PRKCH: variants seen among roughly 807,000 people sequenced by gnomAD.
PRKCH encodes the protein protein kinase C eta type.
In PRKCH, 28 loss-of-function variants were observed where a neutral mutation model predicts 82.5. The ratio of observed to expected loss-of-function variants is 0.34; its 90% CI spans 0.25 to 0.47. The LOEUF (loss-of-function observed/expected upper bound fraction) is 0.47, where lower values mean the gene tolerates loss of function less well. Among genes scored for constraint, PRKCH ranks in the 20% least tolerant of loss-of-function variants. PRKCH has a pLI of 1.00. For synonymous variants in PRKCH, 322 were observed against 327.4 expected, an observed-to-expected ratio of 0.98 and a Z score of 0.18; for missense variants, 705 against 881.8, an observed-to-expected ratio of 0.80 and a Z score of 2.54.
chr14:61,289,733 C>A (rs931410860), intron 1 of PRKCH, among the ~76,000 whole-genome samples: 2 of 152,060 alleles, frequency 1.3e-5, no homozygotes, highest in Non-Finnish European at 2.9e-5. Flanking sequence ...TTGAGGGTGA[C>A]TTTACACAAT....
intron 1 of PRKCH, chr14:61,279,540 G>A (rs1443199632): frequency 6.5e-6 from 1 of 152,682 alleles, no homozygotes; most frequent in Non-Finnish European, 1.5e-5. Context: ...ATCTCTGTTT[G>A]GTGTCTCCTA....
At chr14:61,471,486 G>A (rs17098438) in intron 9 of PRKCH, among the ~76,000 whole-genome samples, 4,665 of 151,868 alleles carry the variant, frequency 0.031, 246 homozygotes, top group African/African-American at 0.11. Flanking sequence ...AGCCATCATC[G>A]CCACTCAGAG....
intron 9 of PRKCH, among the ~76,000 whole-genome samples, chr14:61,465,008 G>A (rs552155515): frequency 6.6e-6 from 1 of 152,184 alleles, no homozygotes; most frequent in Non-Finnish European, 1.5e-5. Flanking sequence ...CCCACCACCT[G>A]TTGGCCATTT....
At chr14:61,402,856 A>T (rs181552062) in intron 2 of PRKCH, among the ~76,000 whole-genome samples, 1,574 of 150,854 alleles carry the variant, frequency 0.01, 34 homozygotes, top group African/African-American at 0.035. Flanking sequence ...TTAATTAATT[A>T]ATTAATTTAT....
chr14:61,210,784 CTCTCTCTG>C (rs1310711763), intron 1 of PRKCH, among the ~76,000 whole-genome samples: 131 of 96,008 alleles, frequency 1.4e-3, no homozygotes, highest in African/African-American at 3.9e-3. Flanking sequence ...CTCTCTCTCT[CTCTCTCTG>C]TGTGTGTGTG....
chr14:61,446,750 T>C (rs1428594512), intron 4 of PRKCH, among the ~76,000 whole-genome samples: 2 of 152,224 alleles, frequency 1.3e-5, no homozygotes, highest in Non-Finnish European at 2.9e-5. Flanking sequence ...TGTCACTTTG[T>C]GGCATGGGCC....
At chr14:61,519,231 A>G (rs933332572) in intron 10 of PRKCH, among the ~76,000 whole-genome samples, 10 of 152,110 alleles carry the variant, frequency 6.6e-5, no homozygotes, top group Non-Finnish European at 1.5e-4. Context: ...GCAGTGAGCT[A>G]TGATCACGCT....
chr14:61,485,891 A>G (rs889787362), intron 10 of PRKCH, among the ~76,000 whole-genome samples: 19 of 152,312 alleles, frequency 1.2e-4, no homozygotes, highest in African/African-American at 4.3e-4. Flanking sequence ...CCAAGTAGAT[A>G]GCTGGGACTA....
At chr14:61,387,277 C>G (rs554085927) in intron 1 of PRKCH, among the ~76,000 whole-genome samples, 2 of 152,370 alleles carry the variant, frequency 1.3e-5, no homozygotes, top group South Asian at 4.1e-4. Flanking sequence ...CCCAGGCCAG[C>G]TGTGCAGAGT....
chr14:61,231,761 C>G (rs1443484378), intron 1 of PRKCH, among the ~76,000 whole-genome samples: 1 of 152,016 alleles, frequency 6.6e-6, no homozygotes, highest in Admixed American at 6.5e-5. Context: ...ATGTAGAGAT[C>G]TTCTCTCCCC....
At chr14:61,443,499 C>A (rs1884073250) in intron 3 of PRKCH, among the ~76,000 whole-genome samples, 1 of 152,112 alleles carries the variant, frequency 6.6e-6, no homozygotes, top group Non-Finnish European at 1.5e-5. Context: ...GGTAAAGATG[C>A]TAATGAATCC....
intron 1 of PRKCH, chr14:61,327,011 A>T (rs1019611219): frequency 1.3e-5 from 6 of 455,670 alleles, no homozygotes; most frequent in Non-Finnish European, 2.6e-5. Context: ...TGCTGGGGAC[A>T]TGGGGAGGCA....
At chr14:61,236,710 CAAAAAAAAA>C (rs35185475) in intron 1 of PRKCH, among the ~76,000 whole-genome samples, 7 of 87,712 alleles carry the variant, frequency 8.0e-5, no homozygotes, top group Admixed American at 6.0e-4. Context: ...TGTCTCAAAA[CAAAAAAAAA>C]AAAAAAAAAA....
chr14:61,339,399 C>T (rs1255326902), intron 1 of PRKCH, among the ~76,000 whole-genome samples: 1 of 151,080 alleles, frequency 6.6e-6, no homozygotes, highest in Non-Finnish European at 1.5e-5. Flanking sequence ...TCTCAGCTCA[C>T]TGCAAGCTTT....
At chr14:61,407,820 A>G (rs1047756812) in intron 2 of PRKCH, among the ~76,000 whole-genome samples, 3 of 152,122 alleles carry the variant, frequency 2.0e-5, no homozygotes, top group Admixed American at 6.5e-5. Flanking sequence ...GTCTTTCTCT[A>G]GCCAGGGATT....
At chr14:61,485,029 T>C (rs1260174395) in intron 9 of PRKCH, among the ~76,000 whole-genome samples, 1 of 151,948 alleles carries the variant, frequency 6.6e-6, no homozygotes, top group East Asian at 1.9e-4. Flanking sequence ...CGGCCTCCAC[T>C]TCTGTTTGGC....
intron 1 of PRKCH, among the ~76,000 whole-genome samples, chr14:61,359,417 C>T (rs988634542): frequency 6.6e-6 from 1 of 152,214 alleles, no homozygotes; most frequent in African/African-American, 2.4e-5. Flanking sequence ...TTGCAGGCCT[C>T]ATTTTTAAGT....
At chr14:61,250,082 A>AG (rs1270595690) in intron 1 of PRKCH, among the ~76,000 whole-genome samples, 4 of 336 alleles carry the variant, frequency 0.012, no homozygotes, top group African/African-American at 0.023. Flanking sequence ...CAACATGGTG[A>AG]AACCCCATCT....
At chr14:61,336,773 A>C (rs2045862398) in intron 1 of PRKCH, among the ~76,000 whole-genome samples, 1 of 152,158 alleles carries the variant, frequency 6.6e-6, no homozygotes, top group Non-Finnish European at 1.5e-5. Flanking sequence ...CTAGTTTTAA[A>C]AGTACGTCAT....
Sources: gnomAD v4.1 joint callset for allele counts (sites outside exome capture counted in the v4.1 genomes callset) on GRCh38, gnomAD v4.1.1 for gene constraint, MANE v1.5 for transcripts, NCBI Gene and HGNC (gene_info 2026-07-23, HGNC 2026-07-21) for gene names.